Variants in ARB2A observed in about 807,000 individuals in gnomAD.
The protein encoded by ARB2A is ARB2 cotranscriptional regulator A, also known as cotranscriptional regulator ARB2A.
chr5:93,767,777 G>A, the ARB2A span, among the ~76,000 whole-genome samples: 2 of 151,788 alleles, frequency 1.3e-5, no homozygotes, highest in African/African-American at 4.8e-5. Flanking sequence ...GGTGGATCAC[G>A]AGGTCAGGAG....
chr5:93,828,081 T>G, the ARB2A span, among the ~76,000 whole-genome samples: 1 of 152,266 alleles, frequency 6.6e-6, no homozygotes, highest in South Asian at 2.1e-4. Flanking sequence ...TGGGCTCTTT[T>G]TTGGTTCCAT....
At chr5:94,067,899 AT>A in the ARB2A span, among the ~76,000 whole-genome samples, 2 of 152,246 alleles carry the variant, frequency 1.3e-5, no homozygotes, top group African/African-American at 4.8e-5. Flanking sequence ...TGGAGAGATC[AT>A]GCTAACCTGA....
the ARB2A span, among the ~76,000 whole-genome samples, chr5:93,870,063 G>T: frequency 2.0e-5 from 3 of 152,198 alleles, no homozygotes; most frequent in African/African-American, 7.2e-5. Flanking sequence ...GAGAAAAAAC[G>T]GAATGAAAGT....
the ARB2A span, among the ~76,000 whole-genome samples, chr5:93,685,994 A>G: frequency 6.6e-6 from 1 of 152,210 alleles, no homozygotes; most frequent in Non-Finnish European, 1.5e-5. Context: ...CTAATATAAT[A>G]AAGGCAAAAA....
chr5:93,921,741 G>A, the ARB2A span, among the ~76,000 whole-genome samples: 37 of 152,236 alleles, frequency 2.4e-4, no homozygotes, highest in African/African-American at 7.5e-4. Context: ...GCTGCTAATC[G>A]TTGAAGGAAA....
At chr5:93,963,060 T>G in the ARB2A span, among the ~76,000 whole-genome samples, 1 of 152,058 alleles carries the variant, frequency 6.6e-6, no homozygotes, top group African/African-American at 2.4e-5. Context: ...ATTAATTGTG[T>G]TGTATCAATA....
the ARB2A span, among the ~76,000 whole-genome samples, chr5:94,076,108 G>T: frequency 1.1e-3 from 164 of 152,014 alleles, no homozygotes; most frequent in African/African-American, 3.8e-3. Flanking sequence ...AACAAATCAC[G>T]GCTTCATCAC....
the ARB2A span, among the ~76,000 whole-genome samples, chr5:94,033,475 A>G: frequency 6.6e-6 from 1 of 152,148 alleles, no homozygotes; most frequent in African/African-American, 2.4e-5. Context: ...CCAAGGTTGT[A>G]GTACAGTGGT....
At chr5:93,964,464 A>T in the ARB2A span, 2 of 1,565,590 alleles carry the variant, frequency 1.3e-6, no homozygotes, top group Non-Finnish European at 1.7e-6. Flanking sequence ...TTACTGGAAT[A>T]GATACTTTTT....
chr5:93,932,692 T>C, the ARB2A span, among the ~76,000 whole-genome samples: 3 of 152,304 alleles, frequency 2.0e-5, no homozygotes, highest in East Asian at 5.8e-4. Context: ...ATAATGAAGA[T>C]GAGAAGTAAA....
At chr5:93,816,517 G>A in the ARB2A span, among the ~76,000 whole-genome samples, 2 of 152,134 alleles carry the variant, frequency 1.3e-5, no homozygotes, top group African/African-American at 4.8e-5. Context: ...TTTCCTAGCA[G>A]TCTTTGTGGA....
At chr5:93,857,212 T>C in the ARB2A span, among the ~76,000 whole-genome samples, 1 of 152,142 alleles carries the variant, frequency 6.6e-6, no homozygotes, top group Non-Finnish European at 1.5e-5. Flanking sequence ...GCCTCCCAGT[T>C]AGGCTGCTCG....
the ARB2A span, among the ~76,000 whole-genome samples, chr5:93,773,943 A>C: frequency 2.0e-5 from 3 of 152,156 alleles, no homozygotes; most frequent in Non-Finnish European, 2.9e-5. Flanking sequence ...AATATTAAAA[A>C]ATTTTTTTTG....
the ARB2A span, among the ~76,000 whole-genome samples, chr5:94,101,574 T>C: frequency 3.9e-4 from 60 of 152,172 alleles, 1 homozygote; most frequent in African/African-American, 1.4e-3. Flanking sequence ...ATAAAGAAAA[T>C]GTGGTAAATA....
At chr5:93,784,858 C>T in the ARB2A span, among the ~76,000 whole-genome samples, 1 of 152,106 alleles carries the variant, frequency 6.6e-6, no homozygotes, top group South Asian at 2.1e-4. Context: ...AGTTAGTACC[C>T]GGGGTTCACT....
At chr5:93,962,801 T>A in the ARB2A span, among the ~76,000 whole-genome samples, 1 of 152,146 alleles carries the variant, frequency 6.6e-6, no homozygotes, top group Admixed American at 6.5e-5. Flanking sequence ...AAGATGGGCA[T>A]GATGCTTAAG....
chr5:94,106,870 G>GGA, the ARB2A span, among the ~76,000 whole-genome samples: 3 of 57,384 alleles, frequency 5.2e-5, no homozygotes, highest in Non-Finnish European at 1.0e-4. Flanking sequence ...AATCAATGCA[G>GGA]AAAAAAAAAA....
At chr5:93,746,537 C>T in the ARB2A span, among the ~76,000 whole-genome samples, 7 of 152,058 alleles carry the variant, frequency 4.6e-5, no homozygotes, top group Non-Finnish European at 1.0e-4. Flanking sequence ...TGCTGCTGTT[C>T]TTTTTAGTAT....
chr5:93,928,991 T>G, the ARB2A span, among the ~76,000 whole-genome samples: 4 of 150,650 alleles, frequency 2.7e-5, no homozygotes, highest in African/African-American at 9.8e-5. Flanking sequence ...TGTTAAAGTC[T>G]ACAAAAAAAA....
Sources: gnomAD v4.1 joint callset for allele counts (sites outside exome capture counted in the v4.1 genomes callset) on GRCh38, gnomAD v4.1.1 for gene constraint, MANE v1.5 for transcripts, NCBI Gene and HGNC (gene_info 2026-07-23, HGNC 2026-07-21) for gene names.